RUNX1T1: variants seen among roughly 807,000 people sequenced by gnomAD.
RUNX1T1 encodes the protein protein CBFA2T1.
A neutral mutation model predicts 62.8 loss-of-function variants in RUNX1T1; 4 were observed. The observed-to-expected ratio is 0.06, with a 90% CI of 0.03 to 0.15. The LOEUF (loss-of-function observed/expected upper bound fraction) is 0.15, where lower values mean the gene tolerates loss of function less well. Among genes scored for constraint, RUNX1T1 ranks in the 10% least tolerant of loss-of-function variants. RUNX1T1 has a pLI of 1.00. For synonymous variants in RUNX1T1, 291 were observed against 286.0 expected (o/e 1.02, Z -0.18); for missense variants, 508 against 754.3 (o/e 0.67, Z 3.82).
intron 1 of RUNX1T1, among the ~76,000 whole-genome samples, chr8:92,098,098 G>T (rs1188677290): frequency 6.6e-6 from 1 of 152,184 alleles, no homozygotes; most frequent in African/African-American, 2.4e-5. Context: ...CATTAATTCA[G>T]ATAAAAATCT....
chr8:92,016,039 T>A (rs761437540), intron 2 of RUNX1T1, among the ~76,000 whole-genome samples: 4 of 152,212 alleles, frequency 2.6e-5, no homozygotes, highest in Non-Finnish European at 4.4e-5. Context: ...ATGCGTACTT[T>A]GCTAATCCCT....
intron 10 of RUNX1T1, among the ~76,000 whole-genome samples, chr8:91,964,772 C>A (rs1024036489): frequency 1.3e-5 from 2 of 152,086 alleles, no homozygotes; most frequent in African/African-American, 4.8e-5. Context: ...GCACTTAACT[C>A]CCAAAAATGG....
intron 9 of RUNX1T1, among the ~76,000 whole-genome samples, chr8:91,971,825 C>G (rs1350866547): frequency 6.6e-6 from 1 of 152,016 alleles, no homozygotes; most frequent in Non-Finnish European, 1.5e-5. Context: ...GGAAAGGGTG[C>G]AAAGATTCAA....
chr8:91,988,396 C>T (rs1816999867), intron 6 of RUNX1T1, among the ~76,000 whole-genome samples: 1 of 152,066 alleles, frequency 6.6e-6, no homozygotes, highest in South Asian at 2.1e-4. Context: ...TATTAATTTG[C>T]ATAATATAAA....
intron 1 of RUNX1T1, among the ~76,000 whole-genome samples, chr8:92,082,354 A>G (rs997410888): frequency 6.6e-6 from 1 of 152,188 alleles, no homozygotes; most frequent in African/African-American, 2.4e-5. Context: ...CCAGGAGAGT[A>G]GTAAGCTCTG....
At chr8:91,994,667 G>A (rs1400395299) in intron 5 of RUNX1T1, 6 of 493,518 alleles carry the variant, frequency 1.2e-5, no homozygotes, top group Non-Finnish European at 2.4e-5. Context: ...TTTTCAAACT[G>A]TGCCACCTGA....
chr8:92,040,251 T>G (rs1828194629), intron 1 of RUNX1T1, among the ~76,000 whole-genome samples: 1 of 152,040 alleles, frequency 6.6e-6, no homozygotes, highest in Admixed American at 6.6e-5. Flanking sequence ...GAGCAAAGAG[T>G]TGATCATTAC....
chr8:92,022,295 T>C (rs143213021), intron 1 of RUNX1T1, among the ~76,000 whole-genome samples: 1,704 of 152,146 alleles, frequency 0.011, 115 homozygotes, highest in Admixed American at 0.1. Context: ...AGAGAGAGGA[T>C]AGAATGTAGA....
At chr8:92,025,069 C>T (rs1824879266) in intron 1 of RUNX1T1, among the ~76,000 whole-genome samples, 1 of 152,200 alleles carries the variant, frequency 6.6e-6, no homozygotes, top group African/African-American at 2.4e-5. Flanking sequence ...ATATCCCTCC[C>T]AAATTCTAGA....
chr8:92,081,396 C>G (rs1835238589), intron 1 of RUNX1T1: 1 of 285,946 alleles, frequency 3.5e-6, no homozygotes, highest in Non-Finnish European at 5.2e-6. Context: ...CTTTTTCTTT[C>G]TGAAAGTAAT....
chr8:91,965,494 T>C (rs1475544826), intron 10 of RUNX1T1, among the ~76,000 whole-genome samples: 2 of 152,170 alleles, frequency 1.3e-5, no homozygotes, highest in Non-Finnish European at 2.9e-5. Flanking sequence ...TGAGATCTTG[T>C]GGTTTCAATG....
exon 10 of RUNX1T1, chr8:91,970,664 T>G (rs763172087): frequency 4.4e-6 from 7 of 1,602,032 alleles, no homozygotes; most frequent in Non-Finnish European, 6.0e-6. Flanking sequence ...TCACCTCGCT[T>G]GAATCCTCCT....
chr8:92,042,102 T>C (rs1016605183), intron 1 of RUNX1T1, among the ~76,000 whole-genome samples: 1 of 151,812 alleles, frequency 6.6e-6, no homozygotes, highest in African/African-American at 2.4e-5. Flanking sequence ...GGATTACAGG[T>C]GTGATCTGTG....
intron 10 of RUNX1T1, among the ~76,000 whole-genome samples, chr8:91,961,698 CTTTAAATG>C (rs1563602163): frequency 6.6e-6 from 1 of 152,302 alleles, no homozygotes; most frequent in East Asian, 1.9e-4. Flanking sequence ...ACAAAGCTGA[CTTTAAATG>C]TTTAAATGTT....
chr8:92,014,275 G>A (rs996464589), intron 3 of RUNX1T1, among the ~76,000 whole-genome samples: 3 of 142,874 alleles, frequency 2.1e-5, no homozygotes, highest in African/African-American at 8.5e-5. Flanking sequence ...TGAAATACAC[G>A]TGCACATACA....
chr8:91,962,775 A>G (rs1376903000), intron 10 of RUNX1T1, among the ~76,000 whole-genome samples: 1 of 152,242 alleles, frequency 6.6e-6, no homozygotes, highest in Non-Finnish European at 1.5e-5. Flanking sequence ...CAATTAGAGA[A>G]CAGAGACTCA....
intron 1 of RUNX1T1, among the ~76,000 whole-genome samples, chr8:92,043,876 G>T (rs1260599560): frequency 1.3e-5 from 2 of 151,562 alleles, no homozygotes; most frequent in African/African-American, 4.9e-5. Flanking sequence ...TACCTGGGAG[G>T]CTGAGGCAGG....
At chr8:92,039,174 A>T (rs1827978819) in intron 1 of RUNX1T1, among the ~76,000 whole-genome samples, 1 of 145,408 alleles carries the variant, frequency 6.9e-6, no homozygotes, top group Non-Finnish European at 1.5e-5. Flanking sequence ...ACAGAGTCTC[A>T]CTTAGGCTGA....
chr8:92,008,714 G>C (rs1397968368), intron 4 of RUNX1T1, among the ~76,000 whole-genome samples: 1 of 152,074 alleles, frequency 6.6e-6, no homozygotes, highest in Non-Finnish European at 1.5e-5. Context: ...TTCAGTACAA[G>C]AGTTGATTTT....
Sources: allele counts gnomAD v4.1 joint callset (sites outside exome capture counted in the v4.1 genomes callset), GRCh38; gene constraint gnomAD v4.1.1; transcripts MANE v1.5; gene names NCBI Gene and HGNC (gene_info 2026-07-23, HGNC 2026-07-21).